Variants in FIRRM observed in about 807,000 individuals in gnomAD.
FIRRM encodes the protein FIGNL1-interacting regulator of recombination and mitosis.
the FIRRM span, chr1:169,850,665 A>ACG: frequency 7.0e-5 from 14 of 200,998 alleles, no homozygotes; most frequent in Non-Finnish European, 1.1e-4. Context: ...GCATGGTGGT[A>ACG]CGCGCCTGCA....
the FIRRM span, chr1:169,802,509 A>G: frequency 1.6e-6 from 1 of 638,792 alleles, no homozygotes; most frequent in African/African-American, 1.8e-5. Flanking sequence ...TAGCCTGTGG[A>G]TGTTACTAGT....
At chr1:169,797,406 T>C in the FIRRM span, among the ~76,000 whole-genome samples, 1 of 152,244 alleles carries the variant, frequency 6.6e-6, no homozygotes, top group Non-Finnish European at 1.5e-5. Flanking sequence ...ATTTGAGCTT[T>C]ACTGAAATTT....
At chr1:169,847,784 T>A in the FIRRM span, 1 of 1,606,162 alleles carries the variant, frequency 6.2e-7, no homozygotes, top group Admixed American at 1.7e-5. Context: ...GGAAAACTTT[T>A]TATACCTGAA....
At chr1:169,803,458 T>G in the FIRRM span, 2 of 902,668 alleles carry the variant, frequency 2.2e-6, no homozygotes, top group African/African-American at 3.4e-5. Context: ...AGTAAATAAT[T>G]GTTGCAAAAA....
At chr1:169,795,021 G>C in the FIRRM span, 1 of 1,094,670 alleles carries the variant, frequency 9.1e-7, no homozygotes, top group Admixed American at 2.0e-5. Context: ...CCGGCGGAGA[G>C]CGCGCAAGGG....
the FIRRM span, chr1:169,803,173 T>A: frequency 2.5e-6 from 4 of 1,613,176 alleles, no homozygotes; most frequent in Non-Finnish European, 2.5e-6. Flanking sequence ...TCACAGACAA[T>A]GGTGCAGCTC....
the FIRRM span, among the ~76,000 whole-genome samples, chr1:169,817,847 GT>G: frequency 6.6e-6 from 1 of 152,118 alleles, no homozygotes; most frequent in Non-Finnish European, 1.5e-5. Flanking sequence ...TTGTTAAAGA[GT>G]AGATTATTGC....
chr1:169,814,491 T>TC, the FIRRM span, among the ~76,000 whole-genome samples: 3 of 152,188 alleles, frequency 2.0e-5, no homozygotes, highest in African/African-American at 4.8e-5. Context: ...ATACTAACCA[T>TC]CCCCACGTGA....
At chr1:169,795,704 G>C in the FIRRM span, 1 of 985,746 alleles carries the variant, frequency 1.0e-6, no homozygotes, top group Non-Finnish European at 1.2e-6. Flanking sequence ...AAAGGGCATA[G>C]TTCTGTGGTG....
At chr1:169,803,419 A>C in the FIRRM span, 1 of 1,059,436 alleles carries the variant, frequency 9.4e-7, no homozygotes, top group Admixed American at 3.0e-5. Flanking sequence ...TTATTGAAAT[A>C]AACTTTTCCA....
chr1:169,852,203 T>C, the FIRRM span: 1 of 480,030 alleles, frequency 2.1e-6, no homozygotes, highest in South Asian at 2.3e-5. Flanking sequence ...ATGCTATAAA[T>C]GCAGTCTTTA....
chr1:169,812,642 G>A, the FIRRM span, among the ~76,000 whole-genome samples: 1 of 152,088 alleles, frequency 6.6e-6, no homozygotes, highest in African/African-American at 2.4e-5. Flanking sequence ...CAGATTGCTT[G>A]AGCTAGGAGT....
At chr1:169,844,142 G>T in the FIRRM span, among the ~76,000 whole-genome samples, 1 of 152,224 alleles carries the variant, frequency 6.6e-6, no homozygotes, top group Non-Finnish European at 1.5e-5. Flanking sequence ...TAACCAGTGT[G>T]TATTAAAAGA....
chr1:169,808,048 G>T, the FIRRM span: 3 of 1,018,714 alleles, frequency 2.9e-6, no homozygotes, highest in Non-Finnish European at 4.3e-6. Flanking sequence ...TTTCATTTGG[G>T]TGTTTTTTTT....
the FIRRM span, among the ~76,000 whole-genome samples, chr1:169,810,669 T>C: frequency 0.098 from 14,891 of 151,920 alleles, 946 homozygotes; most frequent in Admixed American, 0.18. Flanking sequence ...TTCTGAAGTA[T>C]TGGGAGTTAG....
the FIRRM span, among the ~76,000 whole-genome samples, chr1:169,794,318 C>G: frequency 6.6e-6 from 1 of 152,186 alleles, no homozygotes; most frequent in African/African-American, 2.4e-5. Flanking sequence ...TTTGGTAAGT[C>G]AGCGTCCCTT....
chr1:169,795,838 T>C, the FIRRM span: 2 of 845,600 alleles, frequency 2.4e-6, no homozygotes, highest in South Asian at 1.2e-4. Flanking sequence ...GGCTGGAGTC[T>C]TTCTGAAAGA....
chr1:169,786,678 A>G, the FIRRM span, among the ~76,000 whole-genome samples: 1 of 152,254 alleles, frequency 6.6e-6, no homozygotes, highest in Admixed American at 6.5e-5. Flanking sequence ...AATAGCAGAG[A>G]TCTAGAAGAA....
the FIRRM span, chr1:169,830,149 T>A: frequency 1.2e-6 from 1 of 856,896 alleles, no homozygotes; most frequent in Non-Finnish European, 1.8e-6. Context: ...ATTGAGGATC[T>A]GTTATTTGGA....
Sources: allele counts gnomAD v4.1 joint callset (sites outside exome capture counted in the v4.1 genomes callset), GRCh38; gene constraint gnomAD v4.1.1; transcripts MANE v1.5; gene names NCBI Gene and HGNC (gene_info 2026-07-23, HGNC 2026-07-21).